The following ROS1 variants were observed in gnomAD, a reference collection of about 807,000 sequenced individuals.
ROS1 encodes the protein ROS proto-oncogene 1, receptor tyrosine kinase, also known as proto-oncogene tyrosine-protein kinase ROS.
In ROS1, 263 loss-of-function variants were observed where a neutral mutation model predicts 273.5. The ratio of observed to expected loss-of-function variants is 0.96; its 90% CI spans 0.87 to 1.06. ROS1 has a LOEUF of 1.06. ROS1 is among the 50% of genes least tolerant of loss of function. The probability of loss-of-function intolerance (pLI) is 0.00; values close to 1 mark genes in which losing one functional copy is unlikely to be tolerated. For missense variants in ROS1, 2,833 were observed against 2,751.1 expected (o/e 1.03, Z -0.67); for synonymous variants, 1,008 against 954.1 (o/e 1.06, Z -1.04).
intron 12 of ROS1, among the ~76,000 whole-genome samples, chr6:117,390,565 A>G (rs1772986203): frequency 6.6e-6 from 1 of 152,234 alleles, no homozygotes; most frequent in Admixed American, 6.5e-5. Context: ...TTTCTCATGC[A>G]TTCTGAGTGA....
At position 117,360,004 on chromosome 6, in the gene ROS1, G is replaced by A. The variant is rs758057387; in HGVS notation, c.3438C>T (p.Asn1146=). The A allele has an allele frequency of 5.6e-6, 9 of 1,612,448 alleles. No homozygotes were observed. ...GAAGAGTTATGAGGTGAGGAAATGG[G>A]TTGATTTCTGAAAGCAAAAAAACAT... ...DVVKSTTSEI[N]PFPHLITLLG... is the part of the protein sequence containing the mutation. The change falls in exon 24 of 44, where the codon AAC becomes AAT. Residue 1146 remains asparagine (N), a synonymous_variant. Coordinates refer to ENST00000368507, the MANE Select transcript of ROS1 (RefSeq NM_001378902.1).
chr6:117,351,060 A>G (rs1778811936), intron 27 of ROS1, among the ~76,000 whole-genome samples: 1 of 152,178 alleles, frequency 6.6e-6, no homozygotes, highest in Non-Finnish European at 1.5e-5. Flanking sequence ...TTTTCTTGAT[A>G]GCTGAATATG....
intron 31 of ROS1, among the ~76,000 whole-genome samples, chr6:117,338,897 G>A (rs1470506641): frequency 1.3e-5 from 2 of 152,106 alleles, no homozygotes; most frequent in Admixed American, 6.6e-5. Flanking sequence ...GGGAGTGTGA[G>A]CTAAGATGTC....
chr6:117,374,091 A>G (rs116979572), intron 18 of ROS1, among the ~76,000 whole-genome samples: 12,138 of 152,268 alleles, frequency 0.08, 579 homozygotes, highest in Non-Finnish European at 0.097. Flanking sequence ...ATTCAATGTA[A>G]TTCCCATTGA....
intron 37 of ROS1, among the ~76,000 whole-genome samples, chr6:117,319,263 C>T (rs1457640036): frequency 6.6e-6 from 1 of 152,104 alleles, no homozygotes; most frequent in Non-Finnish European, 1.5e-5. Context: ...CAAACTACAG[C>T]CTGTGGGCCA....
chr6:117,416,200 A>G, intron 3 of ROS1, 58 bp downstream of exon 3: 1 of 1,061,634 alleles, frequency 9.4e-7, no homozygotes, highest in Non-Finnish European at 1.5e-6. Flanking sequence ...ATCCTCTTAC[A>G]CAAATTTCCT....
At chr6:117,338,738 G>GTC (rs1284089942) in intron 31 of ROS1, among the ~76,000 whole-genome samples, 1 of 152,130 alleles carries the variant, frequency 6.6e-6, no homozygotes. Context: ...AGCAATGAGT[G>GTC]TCTGGGCAGA....
chr6:117,393,029 T>G (rs967630506), intron 12 of ROS1, among the ~76,000 whole-genome samples, 195 bp downstream of exon 12: 1 of 152,136 alleles, frequency 6.6e-6, no homozygotes, highest in Non-Finnish European at 1.5e-5. Flanking sequence ...TTTATAAGAG[T>G]TGATTTATGT....
In ROS1 at chr6:117,326,413, T is replaced by G. The variant is rs768131640; in HGVS notation, c.5350A>C (p.Lys1784Gln). The G allele has an allele frequency of 1.3e-6, 2 of 1,516,014 alleles. No individual in the cohort carries two copies. Among genetic ancestry groups the G allele is most frequent in the South Asian group, 2.5e-5 (2 of 78,524 alleles). 93.9% of individuals were successfully genotyped at this position (1,516,014 alleles called of 1,614,324 possible). Residue 1784 changes from lysine (K) to glutamine (Q), a missense_variant and splice_region_variant, in exon 34 of 44, where the codon AAG (lysine) becomes CAG (glutamine). Lys to Gln is a moderately conservative substitution (Grantham distance 53). Coordinates refer to ENST00000368507, the MANE Select transcript of ROS1 (RefSeq NM_001378902.1). ...TTCTGTAAATTATTTGAAGTGCTCTTTCTGCAAAAAATAATAAATACAGAA... is the reference window on the plus strand; with the variant it reads ...TTCTGTAAATTATTTGAAGTGCTCTGTCTGCAAAAAATAATAAATACAGAA... ...RITYYILEIR[K>Q]STSNNLQNQN...
intron 1 of ROS1, among the ~76,000 whole-genome samples, chr6:117,422,381 A>G (rs980761496): frequency 2.0e-5 from 3 of 152,210 alleles, no homozygotes; most frequent in Admixed American, 6.5e-5. Flanking sequence ...GGAATTTTTT[A>G]TGCTACATGG....
chr6:117,334,559 CA>C (rs1326277739), intron 32 of ROS1, among the ~76,000 whole-genome samples: 23 of 152,132 alleles, frequency 1.5e-4, no homozygotes, highest in Admixed American at 8.5e-4. Context: ...GCAAAAAGAA[CA>C]AACTTGGAGG....
At chr6:117,323,474 G>C (rs535052763) in intron 35 of ROS1, among the ~76,000 whole-genome samples, 1 of 152,178 alleles carries the variant, frequency 6.6e-6, no homozygotes, top group East Asian at 1.9e-4. Flanking sequence ...TTTCTGGTAA[G>C]AATCATGCCC....
At chr6:117,381,183 G>GT (rs752612391) in intron 17 of ROS1, among the ~76,000 whole-genome samples, 13,418 of 118,328 alleles carry the variant, frequency 0.11, 617 homozygotes, top group Middle Eastern at 0.16. Context: ...GCAGAGGACT[G>GT]TTTTTTTTTT....
chr6:117,419,146 G>T (rs1400835192), intron 1 of ROS1, among the ~76,000 whole-genome samples: 2 of 152,174 alleles, frequency 1.3e-5, no homozygotes, highest in African/African-American at 4.8e-5. Context: ...AGAGAGAAGA[G>T]AGCAGCATTC....
intron 39 of ROS1, among the ~76,000 whole-genome samples, chr6:117,313,722 A>G (rs919211809): frequency 1.1e-4 from 16 of 152,288 alleles, no homozygotes; most frequent in East Asian, 5.8e-4. Flanking sequence ...ACCCAATAAA[A>G]TAGTCCTTGA....
chr6:117,407,272 C>T (rs1774488864), intron 5 of ROS1, among the ~76,000 whole-genome samples: 1 of 152,124 alleles, frequency 6.6e-6, no homozygotes, highest in African/African-American at 2.4e-5. Context: ...CTTAAGGGAA[C>T]TGTCTACAGC....
intron 41 of ROS1, among the ~76,000 whole-genome samples, chr6:117,309,643 C>T (rs1384221508): frequency 5.3e-5 from 8 of 152,048 alleles, no homozygotes; most frequent in Non-Finnish European, 1.2e-4. Flanking sequence ...GGGCATCATT[C>T]AAATAATAAA....
intron 37 of ROS1, among the ~76,000 whole-genome samples, chr6:117,319,148 T>C (rs549165965): frequency 2.0e-5 from 3 of 152,118 alleles, no homozygotes; most frequent in Non-Finnish European, 4.4e-5. Flanking sequence ...AGATTCATCC[T>C]CCCTTTATCA....
intron 25 of ROS1, 26 bp from the exon 26 acceptor site, chr6:117,356,941 A>G (rs776155624): frequency 6.3e-7 from 1 of 1,575,568 alleles, no homozygotes. Flanking sequence ...AAGTCCCCCC[A>G]ACTTAATGAG....
Sources: gnomAD v4.1 joint callset for allele counts (sites outside exome capture counted in the v4.1 genomes callset) on GRCh38, gnomAD v4.1.1 for gene constraint, MANE v1.5 for transcripts, NCBI Gene and HGNC (gene_info 2026-07-23, HGNC 2026-07-21) for gene names.